The following OR6B3 variants were observed in gnomAD, a reference collection of about 807,000 sequenced individuals.
The protein encoded by OR6B3 is olfactory receptor 6B3.
For missense variants in OR6B3, 315 were observed against 427.4 expected (o/e 0.74, Z 2.32); for synonymous variants, 148 against 187.8 (o/e 0.79, Z 1.73).
At chr2:240,048,595 C>A (rs1471568530), upstream of OR6B3, among the ~76,000 whole-genome samples, 1 of 152,156 alleles carries the variant, frequency 6.6e-6, no homozygotes, top group East Asian at 1.9e-4. Context: ...CTGACCAAGG[C>A]ACCAAGAGCA....
upstream of OR6B3, among the ~76,000 whole-genome samples, chr2:240,048,885 G>A (rs192556554): frequency 5.5e-4 from 84 of 152,332 alleles, no homozygotes; most frequent in Non-Finnish European, 8.2e-4. Flanking sequence ...GAAGAAAGGC[G>A]GCCCAGAGCC....
chr2:240,045,356 G>A (rs569128419), exon 2 of OR6B3: 339 of 1,614,154 alleles, frequency 2.1e-4, no homozygotes, highest in East Asian at 8.7e-4. Context: ...AGGCGCAGGT[G>A]AAGAAGGCTC....
At chr2:240,050,259 A>G (rs996717732), upstream of OR6B3, among the ~76,000 whole-genome samples, 1 of 152,258 alleles carries the variant, frequency 6.6e-6, no homozygotes, top group Admixed American at 6.5e-5. Flanking sequence ...TGACAACCGT[A>G]GGCTCAGATG....
At chr2:240,045,171 A>G (rs1295093642) in exon 2 of OR6B3, 2 of 1,614,122 alleles carry the variant, frequency 1.2e-6, no homozygotes, top group Non-Finnish European at 1.7e-6. Flanking sequence ...GGCTTTTTTC[A>G]AGGCATTCTT....
chr2:240,047,411 C>T (rs1172338528), upstream of OR6B3, among the ~76,000 whole-genome samples: 2 of 152,108 alleles, frequency 1.3e-5, no homozygotes, highest in African/African-American at 2.4e-5. Context: ...AGGTCTGTAG[C>T]CACAGTTTTA....
downstream of OR6B3, chr2:240,044,976 A>G (rs1162556141): frequency 1.5e-5 from 16 of 1,087,378 alleles, no homozygotes; most frequent in Non-Finnish European, 2.0e-5. Flanking sequence ...CTATGCTATT[A>G]ACCTCAACCT....
the OR6B3 span, among the ~76,000 whole-genome samples, chr2:240,053,336 A>T: frequency 6.6e-6 from 1 of 152,344 alleles, no homozygotes; most frequent in South Asian, 2.1e-4. The surrounding 1 kb of genome is among the most constrained non-coding windows in gnomAD (Gnocchi z 4.1). Context: ...AAGCTGGAAG[A>T]TCTGAGGCAA....
At chr2:240,049,554 G>T (rs1347925371), upstream of OR6B3, among the ~76,000 whole-genome samples, 1 of 152,096 alleles carries the variant, frequency 6.6e-6, no homozygotes, top group Non-Finnish European at 1.5e-5. Context: ...AACAATCCCC[G>T]ATCAAGACTT....
exon 2 of OR6B3, chr2:240,045,413 G>A (rs1452345732): frequency 1.9e-6 from 3 of 1,614,040 alleles, no homozygotes; most frequent in African/African-American, 1.3e-5. Flanking sequence ...CCAGGGTGAT[G>A]TGCGCATATG....
At chr2:240,049,434 G>C (rs79632610), upstream of OR6B3, among the ~76,000 whole-genome samples, 5,967 of 152,334 alleles carry the variant, frequency 0.039, 142 homozygotes, top group Non-Finnish European at 0.047. Context: ...ATTCATGCCT[G>C]AGGGTAGCAG....
chr2:240,046,322 C>T (rs949487217), intron 1 of OR6B3, among the ~76,000 whole-genome samples: 4 of 152,112 alleles, frequency 2.6e-5, no homozygotes, highest in African/African-American at 9.7e-5. Context: ...CTGGAATGCC[C>T]TCCTGAGCCT....
upstream of OR6B3, among the ~76,000 whole-genome samples, chr2:240,051,798 T>A (rs113806970): frequency 4.1e-3 from 631 of 152,320 alleles, 2 homozygotes; most frequent in Middle Eastern, 0.027. Context: ...AAGGCTTTGA[T>A]TAAAAACTCT....
At chr2:240,048,435 G>C (rs1455625496), upstream of OR6B3, among the ~76,000 whole-genome samples, 1 of 152,102 alleles carries the variant, frequency 6.6e-6, no homozygotes, top group Non-Finnish European at 1.5e-5. Context: ...CACTTGCTGT[G>C]TTCATGAGGG....
chr2:240,048,978 G>A (rs942731646), upstream of OR6B3, among the ~76,000 whole-genome samples: 1 of 152,196 alleles, frequency 6.6e-6, no homozygotes, highest in African/African-American at 2.4e-5. Context: ...TGCCCAGAGA[G>A]CTCTGTGGCC....
chr2:240,045,863 C>A, exon 2 of OR6B3: 1 of 1,613,046 alleles, frequency 6.2e-7, no homozygotes, highest in Non-Finnish European at 8.5e-7. Context: ...CGTACCAGAT[C>A]TCTAGGAAAG....
chr2:240,050,478 G>A (rs1375305106), upstream of OR6B3, among the ~76,000 whole-genome samples: 1 of 152,168 alleles, frequency 6.6e-6, no homozygotes, highest in Non-Finnish European at 1.5e-5. Flanking sequence ...CCTTTGGGAG[G>A]CCGAGGCGGG....
upstream of OR6B3, among the ~76,000 whole-genome samples, chr2:240,049,690 T>A (rs1698232092): frequency 2.0e-5 from 3 of 152,170 alleles, no homozygotes; most frequent in South Asian, 6.2e-4. Context: ...ATCGAAATAA[T>A]ATATAATGAA....
At chr2:240,048,927 C>A (rs1698225402), upstream of OR6B3, among the ~76,000 whole-genome samples, 2 of 152,266 alleles carry the variant, frequency 1.3e-5, no homozygotes, top group South Asian at 4.1e-4. Flanking sequence ...CACCGTCCTG[C>A]CCATGGGAGG....
At chr2:240,052,498 T>A in the OR6B3 span, among the ~76,000 whole-genome samples, 3 of 152,180 alleles carry the variant, frequency 2.0e-5, no homozygotes, top group African/African-American at 7.2e-5. This position sits in a 1 kb window ranked among gnomAD's most constrained non-coding sequence, Gnocchi z 4.5. Flanking sequence ...AAGCCCTACA[T>A]CAGAGCTGAG....
Sources: allele counts gnomAD v4.1 joint callset (sites outside exome capture counted in the v4.1 genomes callset), GRCh38; gene constraint gnomAD v4.1.1; non-coding constraint Gnocchi (gnomAD v3.1); transcripts MANE v1.5; gene names NCBI Gene and HGNC (gene_info 2026-07-23, HGNC 2026-07-21).